The following CIST1 variants were observed in gnomAD, a reference collection of about 807,000 sequenced individuals.
CIST1 encodes uncharacterized LOC729966.
At chr19:18,255,410 G>A in the CIST1 span, 1 of 397,406 alleles carries the variant, frequency 2.5e-6, no homozygotes, top group Non-Finnish European at 4.4e-6. This position sits in a 1 kb window ranked among gnomAD's most constrained non-coding sequence, Gnocchi z 4.6. Context: ...CCTGCTGGCG[G>A]AGCGCGGGGC....
At chr19:18,250,940 A>G in the CIST1 span, among the ~76,000 whole-genome samples, 1 of 151,576 alleles carries the variant, frequency 6.6e-6, no homozygotes, top group Non-Finnish European at 1.5e-5. Context: ...CACCCAGCTA[A>G]TTTGTGTACA....
chr19:18,253,288 C>T, the CIST1 span, among the ~76,000 whole-genome samples: 3 of 152,188 alleles, frequency 2.0e-5, no homozygotes, highest in East Asian at 1.9e-4. Context: ...GAGGCTGAGG[C>T]GGGAGGATTG....
chr19:18,253,081 C>G, the CIST1 span, among the ~76,000 whole-genome samples: 1 of 152,218 alleles, frequency 6.6e-6, no homozygotes, highest in African/African-American at 2.4e-5. Context: ...TCCCAGTCCT[C>G]TTGGCTGAGA....
chr19:18,253,563 A>AAC, the CIST1 span, among the ~76,000 whole-genome samples: 55,159 of 141,470 alleles, frequency 0.39, 12,819 homozygotes, highest in Non-Finnish European at 0.51. Context: ...AAAAAAAAAA[A>AAC]ACACACACAC....
chr19:18,255,163 G>A, the CIST1 span: 9 of 398,342 alleles, frequency 2.3e-5, no homozygotes, highest in South Asian at 1.3e-4. This position sits in a 1 kb window ranked among gnomAD's most constrained non-coding sequence, Gnocchi z 4.6. Context: ...TGGGCTGTGC[G>A]TCCCCCACCC....
chr19:18,250,243 C>G, the CIST1 span: 1 of 399,010 alleles, frequency 2.5e-6, no homozygotes, highest in Non-Finnish European at 4.4e-6. Flanking sequence ...GTTGGCCCTG[C>G]TTGGGATAGC....
the CIST1 span, chr19:18,252,149 C>T: frequency 2.5e-6 from 1 of 399,044 alleles, no homozygotes; most frequent in Non-Finnish European, 4.4e-6. Context: ...AGTGCGGGGT[C>T]AGGGATTCGG....
chr19:18,251,577 G>A, the CIST1 span, among the ~76,000 whole-genome samples: 1 of 151,726 alleles, frequency 6.6e-6, no homozygotes, highest in Admixed American at 6.6e-5. Context: ...TGAGATTACA[G>A]GCGTCTGCCA....
chr19:18,254,621 T>C, the CIST1 span, among the ~76,000 whole-genome samples: 4 of 152,170 alleles, frequency 2.6e-5, no homozygotes, highest in Non-Finnish European at 5.9e-5. Flanking sequence ...GCAATGAGCA[T>C]TTCAGCAGCC....
chr19:18,254,259 G>A, the CIST1 span, among the ~76,000 whole-genome samples: 1 of 152,176 alleles, frequency 6.6e-6, no homozygotes, highest in Admixed American at 6.5e-5. Flanking sequence ...TGATTCAGAG[G>A]CCAGAGTGGA....
At chr19:18,250,414 C>T in the CIST1 span, 1 of 399,144 alleles carries the variant, frequency 2.5e-6, no homozygotes, top group Non-Finnish European at 4.4e-6. Context: ...CCAGCAAACA[C>T]ACGACCACCA....
At chr19:18,253,222 T>C in the CIST1 span, among the ~76,000 whole-genome samples, 17 of 152,126 alleles carry the variant, frequency 1.1e-4, no homozygotes, top group Admixed American at 5.2e-4. Context: ...CCTCTGACAG[T>C]TCATCAGTCA....
At chr19:18,253,559 A>AC in the CIST1 span, among the ~76,000 whole-genome samples, 1 of 52,974 alleles carries the variant, frequency 1.9e-5, no homozygotes, top group African/African-American at 9.0e-5. Flanking sequence ...TCAAAAAAAA[A>AC]AAAAACACAC....
At chr19:18,250,329 G>A in the CIST1 span, 1 of 399,130 alleles carries the variant, frequency 2.5e-6, no homozygotes, top group South Asian at 1.3e-4. Flanking sequence ...ACCTCGTCCA[G>A]GTTCTCAAAC....
the CIST1 span, chr19:18,252,537 A>G: frequency 2.5e-6 from 1 of 398,510 alleles, no homozygotes. Context: ...GGTCAAGGTG[A>G]GAGCATCACT....
At chr19:18,252,662 G>C in the CIST1 span, among the ~76,000 whole-genome samples, 2 of 151,352 alleles carry the variant, frequency 1.3e-5, no homozygotes, top group African/African-American at 4.9e-5. Flanking sequence ...CTGTCACCCA[G>C]GCTGGAGAGC....
At chr19:18,251,045 G>T in the CIST1 span, among the ~76,000 whole-genome samples, 1 of 151,928 alleles carries the variant, frequency 6.6e-6, no homozygotes, top group South Asian at 2.1e-4. Context: ...CAAAGTGCTG[G>T]GATTACAGGC....
the CIST1 span, among the ~76,000 whole-genome samples, chr19:18,253,440 A>G: frequency 7.2e-4 from 109 of 152,116 alleles, no homozygotes; most frequent in African/African-American, 2.4e-3. Context: ...AGTCCCAGCT[A>G]CTCAGGAGGC....
the CIST1 span, chr19:18,252,236 T>C: frequency 7.5e-6 from 3 of 398,898 alleles, no homozygotes; most frequent in Non-Finnish European, 1.3e-5. Flanking sequence ...TGATTGTCTC[T>C]GGTTGTGGGG....
Sources: gnomAD v4.1 joint callset for allele counts (sites outside exome capture counted in the v4.1 genomes callset) on GRCh38, gnomAD v4.1.1 for gene constraint, Gnocchi (gnomAD v3.1) non-coding constraint, MANE v1.5 for transcripts, NCBI Gene and HGNC (gene_info 2026-07-23, HGNC 2026-07-21) for gene names.